The following ARHGAP39 variants were observed in gnomAD, a reference collection of about 807,000 sequenced individuals.
The protein encoded by ARHGAP39 is Rho GTPase activating protein 39.
A neutral mutation model predicts 106.9 loss-of-function variants in ARHGAP39; 44 were observed. The observed-to-expected ratio is 0.41, with a 90% confidence interval of 0.32 to 0.53. ARHGAP39 has a LOEUF of 0.53. Among genes scored for constraint, ARHGAP39 ranks in the 20% least tolerant of loss-of-function variants. ARHGAP39 has a pLI of 0.21. For missense variants in ARHGAP39, 1,496 were observed against 1,577.3 expected, an observed-to-expected ratio of 0.95 and a Z score of 0.87; for synonymous variants, 768 against 693.2, an observed-to-expected ratio of 1.11 and a Z score of -1.69.
At chr8:144,580,009 C>T (rs2130898063) in intron 3 of ARHGAP39, among the ~76,000 whole-genome samples, 1 of 151,768 alleles carries the variant, frequency 6.6e-6, no homozygotes, top group Admixed American at 6.6e-5. Context: ...GTCCTGCTGG[C>T]CTGCCGCCTG....
chr8:144,565,564 C>T (rs957118677), intron 3 of ARHGAP39, among the ~76,000 whole-genome samples: 2 of 151,658 alleles, frequency 1.3e-5, no homozygotes, highest in Non-Finnish European at 2.9e-5. Context: ...TGGCAGGTGT[C>T]TGTAGTCCCA....
At chr8:144,622,030 CAAAG>C (rs1200669360) in intron 1 of ARHGAP39, among the ~76,000 whole-genome samples, 1 of 152,196 alleles carries the variant, frequency 6.6e-6, no homozygotes, top group Non-Finnish European at 1.5e-5. Flanking sequence ...TGGAAAAACA[CAAAG>C]GAGGAGAAAC....
chr8:144,533,099 A>G lies in ARHGAP39; in HGVS notation c.2888+27T>C, dbSNP rs751531609. 12 of 1,589,416 alleles carry G rather than the reference A, an allele frequency of 7.5e-6. No individual in the cohort carries two copies. The East Asian group carries it at 2.5e-4, about 33-fold the overall frequency. On this transcript the variant is annotated intron_variant, in intron 9 of 11. Coordinates refer to ENST00000377307, the MANE Select transcript of ARHGAP39 (RefSeq NM_025251.3). ...GTGGACACATGGCTGTGGCCCCCAC[A>G]CCCGGCGCCCGGGGTTGCCGTGGCA...
At chr8:144,668,964 C>CA (rs1822028901) in intron 1 of ARHGAP39, among the ~76,000 whole-genome samples, 3 of 152,026 alleles carry the variant, frequency 2.0e-5, no homozygotes, top group Admixed American at 2.0e-4. Context: ...GGCATGAGGA[C>CA]AGATACACAG....
chr8:144,544,496 G>T (rs765346244), intron 6 of ARHGAP39, among the ~76,000 whole-genome samples: 9 of 152,244 alleles, frequency 5.9e-5, no homozygotes, highest in Non-Finnish European at 1.0e-4. Context: ...GTGTGTGTGT[G>T]TGCGCGTGCA....
At chr8:144,546,704 C>T (rs944857572) in intron 5 of ARHGAP39, among the ~76,000 whole-genome samples, 1 of 152,308 alleles carries the variant, frequency 6.6e-6, no homozygotes, top group African/African-American at 2.4e-5. Flanking sequence ...GTTCTTCCTA[C>T]CCGAGGGAGC....
intron 1 of ARHGAP39, among the ~76,000 whole-genome samples, chr8:144,664,496 G>A (rs1188581187): frequency 1.3e-5 from 2 of 152,194 alleles, no homozygotes; most frequent in South Asian, 2.1e-4. Context: ...CATCCAATGT[G>A]TGGTAATGGG....
chr8:144,534,041 C>T (rs1446804984), intron 8 of ARHGAP39, 88 bp downstream of exon 8: 2 of 1,485,482 alleles, frequency 1.3e-6, no homozygotes, highest in Non-Finnish European at 1.8e-6. Flanking sequence ...CTGCCCCATA[C>T]CAAACTGCAG....
chr8:144,594,880 G>C (rs1323968754), intron 2 of ARHGAP39, among the ~76,000 whole-genome samples: 1 of 151,906 alleles, frequency 6.6e-6, no homozygotes, highest in East Asian at 1.9e-4. Context: ...GTGAGGCTCT[G>C]TCTGAAAAAG....
intron 1 of ARHGAP39, among the ~76,000 whole-genome samples, chr8:144,622,479 G>A (rs1040961844): frequency 2.0e-5 from 3 of 151,890 alleles, no homozygotes; most frequent in Non-Finnish European, 2.9e-5. Context: ...ACAATGACCC[G>A]AGGGCCAGAG....
chr8:144,660,059 C>T (rs577147256), intron 1 of ARHGAP39, among the ~76,000 whole-genome samples: 8 of 152,304 alleles, frequency 5.3e-5, no homozygotes, highest in Non-Finnish European at 1.2e-4. Context: ...TTCCCAACCA[C>T]CACATGCACT....
intron 3 of ARHGAP39, among the ~76,000 whole-genome samples, chr8:144,566,862 GAAA>G (rs376603057): frequency 4.3e-5 from 4 of 93,044 alleles, no homozygotes; most frequent in African/African-American, 6.7e-5. Context: ...CTCAAAAAAA[GAAA>G]AAAAAAAAAA....
At chr8:144,693,079 T>TA in the ARHGAP39 span, among the ~76,000 whole-genome samples, 26 of 86,754 alleles carry the variant, frequency 3.0e-4, no homozygotes, top group African/African-American at 9.6e-4. Context: ...TTTTTTTTTT[T>TA]ATTGAGACAG....
At chr8:144,699,997 T>G in the ARHGAP39 span, among the ~76,000 whole-genome samples, 1 of 152,116 alleles carries the variant, frequency 6.6e-6, no homozygotes, top group East Asian at 1.9e-4. Context: ...TATCTCACAG[T>G]GCTGCAGGAT....
At chr8:144,590,945 G>A (rs754172319) in intron 2 of ARHGAP39, among the ~76,000 whole-genome samples, 17 of 152,310 alleles carry the variant, frequency 1.1e-4, no homozygotes, top group Non-Finnish European at 2.1e-4. Context: ...CATTCTCCAC[G>A]CTGAAGATGG....
chr8:144,675,083 G>A (rs1822198680), intron 1 of ARHGAP39, among the ~76,000 whole-genome samples: 1 of 152,102 alleles, frequency 6.6e-6, no homozygotes, highest in Non-Finnish European at 1.5e-5. Flanking sequence ...ACTTGGAAGG[G>A]GGTGCAGCTC....
At chr8:144,666,411 C>T (rs1267206030) in intron 1 of ARHGAP39, among the ~76,000 whole-genome samples, 1 of 151,962 alleles carries the variant, frequency 6.6e-6, no homozygotes, top group East Asian at 1.9e-4. Context: ...TTTGGAGGGG[C>T]CAGGGGTGGA....
intron 3 of ARHGAP39, among the ~76,000 whole-genome samples, chr8:144,570,775 C>T (rs1001143403): frequency 9.2e-5 from 14 of 151,970 alleles, no homozygotes; most frequent in South Asian, 2.1e-4. Context: ...ATCAAATATA[C>T]GCAATAAAAA....
At position 144,555,578 on chromosome 8, in the gene ARHGAP39, C is replaced by T. The variant is rs748251824; in HGVS notation, c.578G>A (p.Gly193Asp). 5.6e-6 allele frequency: 9 copies of T among 1,614,018 alleles called. No homozygotes were observed. The highest frequency in any genetic ancestry group is 2.2e-5 in the South Asian group (2 of 91,092). ...YEIYRDYSAD[G>D]QLLHYRTSSL... ...GTTCTACCTGTAGTGAAGAAGCTGGCCGTCCGCACTGTAATCCCGGTAAAT... is the reference window on the plus strand; with the variant it reads ...GTTCTACCTGTAGTGAAGAAGCTGGTCGTCCGCACTGTAATCCCGGTAAAT... The change falls in exon 4 of 12, where the codon GGC (glycine) becomes GAC (aspartate). Residue 193 changes from glycine to aspartate, a missense_variant. Physicochemically the swap from Gly to Asp is moderately conservative, Grantham distance 94. Transcript: ENST00000377307.
Sources: allele counts gnomAD v4.1 joint callset (sites outside exome capture counted in the v4.1 genomes callset), GRCh38; gene constraint gnomAD v4.1.1; transcripts MANE v1.5; gene names NCBI Gene and HGNC (gene_info 2026-07-23, HGNC 2026-07-21).